SMARCA2: variants seen among roughly 807,000 people sequenced by gnomAD.
The protein encoded by SMARCA2 is SWI/SNF-related matrix-associated actin-dependent regulator of chromatin subfamily A member 2.
A neutral mutation model predicts 199.8 loss-of-function variants in SMARCA2; 61 were observed. The ratio of observed to expected loss-of-function variants is 0.31; its 90% CI spans 0.25 to 0.38. The LOEUF (loss-of-function observed/expected upper bound fraction) is 0.38. Among genes scored for constraint, SMARCA2 ranks in the 10% least tolerant of loss-of-function variants. SMARCA2 has a pLI of 1.00. For synonymous variants in SMARCA2, 935 were observed against 732.0 expected, an observed-to-expected ratio of 1.28 and a Z score of -4.48; for missense variants, 1,344 against 2,012.2, an observed-to-expected ratio of 0.67 and a Z score of 6.35.
At chr9:2,179,094 G>T (rs1826829400) in intron 29 of SMARCA2, among the ~76,000 whole-genome samples, 1 of 152,230 alleles carries the variant, frequency 6.6e-6, no homozygotes, top group South Asian at 2.1e-4. Flanking sequence ...AAACCACAGA[G>T]AACTTTCCAG....
intron 27 of SMARCA2, among the ~76,000 whole-genome samples, chr9:2,152,906 A>G (rs1825150340): frequency 6.6e-6 from 1 of 152,122 alleles, no homozygotes; most frequent in Admixed American, 6.6e-5. Flanking sequence ...TATGTGAAGA[A>G]AGATGTAGGA....
chr9:2,154,109 C>A (rs763967303), intron 27 of SMARCA2, among the ~76,000 whole-genome samples: 5 of 152,176 alleles, frequency 3.3e-5, no homozygotes, highest in Non-Finnish European at 5.9e-5. Context: ...GAACAAGATG[C>A]TATATCTCTC....
intron 9 of SMARCA2, among the ~76,000 whole-genome samples, chr9:2,069,520 C>T (rs951674409): frequency 6.6e-6 from 1 of 151,270 alleles, no homozygotes; most frequent in Non-Finnish European, 1.5e-5. Flanking sequence ...GATCGGGCCA[C>T]CGCACTCCAG....
chr9:2,035,429 G>C (rs1022760147), intron 3 of SMARCA2, among the ~76,000 whole-genome samples: 1 of 152,168 alleles, frequency 6.6e-6, no homozygotes, highest in African/African-American at 2.4e-5. Context: ...TTCTGCTCCT[G>C]TTGTTGCAGT....
intron 1 of SMARCA2, among the ~76,000 whole-genome samples, chr9:2,028,357 G>C (rs1818921531): frequency 6.6e-6 from 1 of 152,204 alleles, no homozygotes; most frequent in African/African-American, 2.4e-5. Context: ...ACATGTCATT[G>C]CATTGAAATC....
chr9:2,148,171 C>A (rs1661407139), intron 27 of SMARCA2, among the ~76,000 whole-genome samples: 1 of 151,614 alleles, frequency 6.6e-6, no homozygotes, highest in South Asian at 2.1e-4. Flanking sequence ...ACTAAGAACC[C>A]AATTTCTTCT....
chr9:2,170,330 G>C lies in SMARCA2; in HGVS notation c.4200-89G>C, dbSNP rs966601274. 7 of 1,564,950 alleles carry C rather than the reference G, an allele frequency of 4.5e-6. No homozygotes were observed. In the Middle Eastern group the frequency reaches 5.5e-4, roughly 123 times the overall value. On this transcript the variant is annotated intron_variant, in intron 28 of 33. Coordinates refer to ENST00000349721, the MANE Select transcript of SMARCA2 (RefSeq NM_003070.5). This position sits in a 1 kb window ranked among gnomAD's most constrained non-coding sequence, Gnocchi z 4.7. ...CAGGTTGGTGAGGAGACTGAGGCTT[G>C]GCCAGGTCACCCAGCCTAGGAAGAA...
In SMARCA2 at chr9:2,191,337, A is replaced by G. The variant is rs1254091950; in HGVS notation, c.4666A>G (p.Lys1556Glu). 6.2e-7 allele frequency: 1 copy of G among 1,614,202 alleles called. No homozygotes were observed. The highest frequency in any genetic ancestry group is 2.2e-5 in the East Asian group (1 of 44,884). ...AGGCCGGGACAAAGGGAAAGGCAAG[A>G]AAAGGCCAAATCGAGGAAAAGCCAA... is the stretch of plus-strand genomic sequence containing the variant. ...DKGRDKGKGK[K>E]RPNRGKAKPV... Residue 1556 changes from lysine to glutamate, a missense_variant, in exon 33 of 34, where the codon AAA becomes GAA. Lys to Glu is a moderately conservative substitution (Grantham distance 56). Around this residue, in one of 18 missense-constraint regions of SMARCA2, gnomAD observed 155 missense variants for 121.1 expected, o/e 1.28. Transcript: ENST00000349721.
chr9:2,023,039 A>G (rs573072216), intron 1 of SMARCA2, among the ~76,000 whole-genome samples: 9 of 152,178 alleles, frequency 5.9e-5, no homozygotes, highest in African/African-American at 1.9e-4. Context: ...TTTTAAAACA[A>G]TTTTTCCTTT....
At chr9:2,181,203 CGT>C (rs941285284) in intron 29 of SMARCA2, 29 of 154,732 alleles carry the variant, frequency 1.9e-4, no homozygotes, top group South Asian at 3.9e-4. Context: ...TATATATGTA[CGT>C]GTATATATAT....
chr9:2,063,684 A>G (rs1277707379), intron 9 of SMARCA2, among the ~76,000 whole-genome samples: 2 of 152,152 alleles, frequency 1.3e-5, no homozygotes, highest in East Asian at 1.9e-4. Context: ...TGACTTTTTC[A>G]CTTAATTTAA....
Position 2,105,781 on chromosome 9 carries a change from G to A in SMARCA2, c.3292+1612G>A, listed in dbSNP as rs187157398. 3.6e-3 allele frequency among the ~76,000 whole-genome samples: 553 copies of A among 152,276 alleles called. 5 individuals carry two copies. Among genetic ancestry groups the A allele is most frequent in the Middle Eastern group, 6.8e-3 (2 of 294 alleles). Reference sequence around the variant, plus strand: ...ACCTGCTGCTCAAGTGAGGGGCTGTGGGGTTGTGGGGCTGTATTTTCCCCT... The same window carrying A: ...ACCTGCTGCTCAAGTGAGGGGCTGTAGGGTTGTGGGGCTGTATTTTCCCCT... On this transcript the variant is annotated intron_variant, in intron 23 of 33. Coordinates refer to ENST00000349721, the MANE Select transcript of SMARCA2 (RefSeq NM_003070.5).
chr9:2,155,679 C>T (rs1050789536), intron 27 of SMARCA2, among the ~76,000 whole-genome samples: 2 of 146,770 alleles, frequency 1.4e-5, no homozygotes, highest in African/African-American at 5.0e-5. Context: ...CCCTTCGTCA[C>T]CCACCTCCAT....
chr9:2,033,257 A>T, intron 3 of SMARCA2, 176 bp downstream of exon 3: 2 of 605,666 alleles, frequency 3.3e-6, no homozygotes, highest in Non-Finnish European at 2.7e-6. Flanking sequence ...GATGATTTAT[A>T]TGGGAAATTT....
intron 1 of SMARCA2, among the ~76,000 whole-genome samples, chr9:2,024,669 A>G (rs16936706): frequency 0.021 from 3,151 of 151,870 alleles, 119 homozygotes; most frequent in African/African-American, 0.072. Context: ...TCTACTTTCT[A>G]CCCCTGCACA....
At chr9:2,020,140 T>C (rs932673676) in intron 1 of SMARCA2, among the ~76,000 whole-genome samples, 9 of 152,248 alleles carry the variant, frequency 5.9e-5, no homozygotes, top group Admixed American at 4.6e-4. Flanking sequence ...ATGAGTTACA[T>C]TTCTTTTCTG....
At chr9:2,160,473 G>T (rs139781866) in intron 27 of SMARCA2, 9 of 573,392 alleles carry the variant, frequency 1.6e-5, no homozygotes, top group Non-Finnish European at 2.2e-5. Context: ...TTCTGCACCA[G>T]GTTTTCTTCA....
intron 27 of SMARCA2, among the ~76,000 whole-genome samples, chr9:2,132,847 T>C (rs1824023585): frequency 6.6e-6 from 1 of 152,244 alleles, no homozygotes; most frequent in South Asian, 2.1e-4. Context: ...CTTTGTATAA[T>C]TTTTATTTTT....
At chr9:2,065,879 G>C (rs1820816582) in intron 9 of SMARCA2, among the ~76,000 whole-genome samples, 1 of 152,194 alleles carries the variant, frequency 6.6e-6, no homozygotes, top group African/African-American at 2.4e-5. Context: ...GATTAGTTGA[G>C]TGTCAAAATG....
Sources: allele counts gnomAD v4.1 joint callset (sites outside exome capture counted in the v4.1 genomes callset), GRCh38; gene constraint gnomAD v4.1.1; regional missense constraint gnomAD v4.1.1; non-coding constraint Gnocchi (gnomAD v3.1); transcripts MANE v1.5; gene names NCBI Gene and HGNC (gene_info 2026-07-23, HGNC 2026-07-21).